The following CCSER1 variants were observed in gnomAD, a reference collection of about 807,000 sequenced individuals.
The protein encoded by CCSER1 is serine-rich coiled-coil domain-containing protein 1.
In CCSER1, 41 loss-of-function variants were observed where a neutral mutation model predicts 82.0. The ratio of observed to expected loss-of-function variants is 0.50; its 90% CI spans 0.39 to 0.65. The LOEUF (loss-of-function observed/expected upper bound fraction) is 0.65. Ranked by LOEUF, CCSER1 falls within the 30% of genes least tolerant of loss-of-function variation. CCSER1 has a pLI of 0.00. For missense variants in CCSER1, 1,119 were observed against 1,064.2 expected (o/e 1.05, Z -0.72); for synonymous variants, 414 against 383.9 (o/e 1.08, Z -0.92).
At chr4:91,001,673 G>A (rs1009185533) in intron 9 of CCSER1, among the ~76,000 whole-genome samples, 1 of 152,138 alleles carries the variant, frequency 6.6e-6, no homozygotes, top group African/African-American at 2.4e-5. Context: ...TCTCTTGAGA[G>A]CAACAGATAG....
At chr4:91,425,265 T>G (rs2149387464) in intron 10 of CCSER1, among the ~76,000 whole-genome samples, 1 of 152,220 alleles carries the variant, frequency 6.6e-6, no homozygotes, top group East Asian at 1.9e-4. Context: ...CTTTAAACTT[T>G]TTTATCTTGA....
chr4:91,019,519 G>GT (rs2150522827), intron 9 of CCSER1, among the ~76,000 whole-genome samples: 1 of 152,174 alleles, frequency 6.6e-6, no homozygotes, highest in East Asian at 1.9e-4. Context: ...CTTTGTGCTT[G>GT]TTTTTCAAAA....
chr4:90,546,584 A>G (rs1294134439), intron 5 of CCSER1, among the ~76,000 whole-genome samples: 1 of 152,172 alleles, frequency 6.6e-6, no homozygotes, highest in Non-Finnish European at 1.5e-5. Context: ...GAGGCAATTT[A>G]GTAGAAAATA....
At chr4:90,484,205 C>T (rs1039239374) in intron 5 of CCSER1, among the ~76,000 whole-genome samples, 8 of 118,062 alleles carry the variant, frequency 6.8e-5, no homozygotes, top group South Asian at 2.4e-4. Context: ...AGTTCTCGTG[C>T]GTGGTTTTTG....
chr4:91,133,335 G>C (rs17018077), intron 10 of CCSER1, among the ~76,000 whole-genome samples: 1 of 152,120 alleles, frequency 6.6e-6, no homozygotes, highest in Admixed American at 6.6e-5. Flanking sequence ...GTGTCAGAAA[G>C]TGCTAAGATT....
chr4:90,799,444 G>A lies in CCSER1; in HGVS notation c.2011-16318G>A, dbSNP rs546045885. Among the ~76,000 whole-genome samples, 28 of 152,280 alleles carry A rather than the reference G, an allele frequency of 1.8e-4. No homozygotes were observed. In the South Asian group the frequency reaches 5.8e-3, roughly 32 times the overall value. ...TGGGACCCTGGGGAAGCTACAGTAT[G>A]GGGAGAGAGTGTGCAGGCTGGTGTG... On this transcript the variant is annotated intron_variant, in intron 7 of 10. Coordinates refer to ENST00000509176, the MANE Select transcript of CCSER1 (RefSeq NM_001145065.2).
chr4:90,748,168 C>T (rs371015484), intron 7 of CCSER1, among the ~76,000 whole-genome samples: 6,690 of 134,494 alleles, frequency 0.05, 263 homozygotes, highest in Admixed American at 0.086. Context: ...GTATATCTCC[C>T]GATGCTATCC....
At chr4:90,310,502 T>C (rs536445794) in intron 2 of CCSER1, among the ~76,000 whole-genome samples, 3 of 152,234 alleles carry the variant, frequency 2.0e-5, no homozygotes, top group South Asian at 4.1e-4. Flanking sequence ...ATTAAAATGA[T>C]TGAAATTGCT....
chr4:91,086,284 C>T (rs1479602666), intron 10 of CCSER1, among the ~76,000 whole-genome samples: 1 of 152,038 alleles, frequency 6.6e-6, no homozygotes, highest in Non-Finnish European at 1.5e-5. Flanking sequence ...GGTCCTTTCA[C>T]AGGGGGCAGA....
chr4:91,080,575 A>G (rs1722595229), intron 9 of CCSER1, among the ~76,000 whole-genome samples: 1 of 152,218 alleles, frequency 6.6e-6, no homozygotes, highest in Non-Finnish European at 1.5e-5. Context: ...TCAGAGCAGA[A>G]CTGAAGGAGA....
intron 4 of CCSER1, among the ~76,000 whole-genome samples, chr4:90,421,760 G>A (rs1163941809): frequency 6.6e-6 from 1 of 152,148 alleles, no homozygotes; most frequent in Admixed American, 6.5e-5. Context: ...GAAACAGTGA[G>A]GGGAGGATTT....
chr4:91,457,296 C>G (rs1251944709), intron 10 of CCSER1, among the ~76,000 whole-genome samples: 1 of 151,858 alleles, frequency 6.6e-6, no homozygotes, highest in Non-Finnish European at 1.5e-5. Context: ...CAATTTTTTT[C>G]TAACTTGATT....
intron 1 of CCSER1, among the ~76,000 whole-genome samples, chr4:90,226,180 T>C (rs1743119395): frequency 1.3e-5 from 2 of 152,212 alleles, no homozygotes; most frequent in Non-Finnish European, 2.9e-5. Context: ...GAAAACTGCT[T>C]CTGCATGAAT....
At chr4:90,189,638 C>G (rs933393850) in intron 1 of CCSER1, among the ~76,000 whole-genome samples, 3 of 151,472 alleles carry the variant, frequency 2.0e-5, no homozygotes, top group Non-Finnish European at 4.4e-5. Flanking sequence ...CCTGTTATAT[C>G]CTGCAGAATT....
chr4:90,234,987 A>T (rs527892876), intron 1 of CCSER1: 1 of 152,402 alleles, frequency 6.6e-6, no homozygotes, highest in Non-Finnish European at 1.5e-5. Flanking sequence ...TTAGCACAGA[A>T]GAAACTGCTG....
chr4:91,388,243 T>G (rs955880956), intron 10 of CCSER1, among the ~76,000 whole-genome samples: 1 of 152,066 alleles, frequency 6.6e-6, no homozygotes, highest in Admixed American at 6.6e-5. Flanking sequence ...CCATAACCTC[T>G]GATCAGAGAT....
intron 3 of CCSER1, among the ~76,000 whole-genome samples, chr4:90,328,515 T>C (rs1738635060): frequency 6.6e-6 from 1 of 152,208 alleles, no homozygotes; most frequent in Admixed American, 6.5e-5. Flanking sequence ...AGAAATGTAA[T>C]ACATTGTAAT....
chr4:90,719,312 C>A (rs1330432552), intron 6 of CCSER1, among the ~76,000 whole-genome samples: 1 of 152,096 alleles, frequency 6.6e-6, no homozygotes, highest in Non-Finnish European at 1.5e-5. Flanking sequence ...CCATCCCTCC[C>A]AAGATGGGAC....
chr4:91,417,784 C>T (rs879805677), intron 10 of CCSER1, among the ~76,000 whole-genome samples: 5 of 151,752 alleles, frequency 3.3e-5, no homozygotes, highest in East Asian at 1.9e-4. Context: ...TGCAGACCAC[C>T]GTGACACATG....
Sources: allele counts gnomAD v4.1 joint callset (sites outside exome capture counted in the v4.1 genomes callset), GRCh38; gene constraint gnomAD v4.1.1; transcripts MANE v1.5; gene names NCBI Gene and HGNC (gene_info 2026-07-23, HGNC 2026-07-21).